The following MAP3K4 variants were observed in gnomAD, a reference collection of about 807,000 sequenced individuals.
MAP3K4 encodes the protein mitogen-activated protein kinase kinase kinase 4.
MAP3K4 carries 67 observed loss-of-function variants against 185.6 expected under a neutral mutation model. The observed-to-expected ratio is 0.36, with a 90% CI of 0.30 to 0.44. MAP3K4 has a LOEUF of 0.44. Ranked by LOEUF, MAP3K4 falls within the 20% of genes least tolerant of loss-of-function variation. MAP3K4 has a pLI of 1.00. For missense variants in MAP3K4, 1,551 were observed against 1,995.1 expected, an observed-to-expected ratio of 0.78 and a Z score of 4.24; for synonymous variants, 702 against 710.4, an observed-to-expected ratio of 0.99 and a Z score of 0.19.
chr6:161,049,383 T>C lies in MAP3K4; in HGVS notation c.1111T>C (p.Leu371=), dbSNP rs1583166254. ...GTACATAGAAGCACTTTATCCATCA[T>C]TGCAGGCTCTTCAGAAGGACTATGA... is the stretch of plus-strand genomic sequence containing the variant. ...LEYIEALYPS[L]QALQKDYEKY... The change falls in exon 3 of 27, where the codon TTG becomes CTG. Residue 371 remains leucine, a synonymous_variant. Coordinates refer to ENST00000392142, the MANE Select transcript of MAP3K4 (RefSeq NM_005922.4). The surrounding 1 kb of genome is among the most constrained non-coding windows in gnomAD (Gnocchi z 8.4). 1 of 1,614,178 alleles carries C rather than the reference T, an allele frequency of 6.2e-7. No homozygotes were observed. The highest frequency in any genetic ancestry group is 8.5e-7 in the Non-Finnish European group (1 of 1,180,032).
chr6:161,010,944 G>A (rs902063009), intron 1 of MAP3K4, among the ~76,000 whole-genome samples: 13 of 152,118 alleles, frequency 8.5e-5, no homozygotes, highest in African/African-American at 3.1e-4. Context: ...TTAGAGCACC[G>A]TAAGGCAGTC....
At position 161,098,491 on chromosome 6, in the gene MAP3K4, ATAGTGT is replaced by A; in HGVS notation, c.3674+68_3674+73del. On this transcript the variant is annotated intron_variant, in intron 17 of 26. Transcript: ENST00000392142. The surrounding 1 kb of genome is among the most constrained non-coding windows in gnomAD (Gnocchi z 4.4). ...CCTTACATGCGCTTACACAGCAACC[ATAGTGT>A]TAGGGTGTGTGCCGGCTGTGGTTGG... 1.3e-6 allele frequency: 2 copies of A among 1,548,178 alleles called. No homozygotes were observed. Among genetic ancestry groups the A allele is most frequent in the South Asian group, 2.4e-5 (2 of 82,976 alleles).
rs1423389080 is a variant in MAP3K4 at position 161,008,372 on chromosome 6, A to T, written c.152+16289A>T. On this transcript the variant is annotated intron_variant, in intron 1 of 26. Coordinates refer to ENST00000392142, the MANE Select transcript of MAP3K4 (RefSeq NM_005922.4). The surrounding 1 kb of genome is among the most constrained non-coding windows in gnomAD (Gnocchi z 4.1). ...TGTTTTATTAGAGTAAAATCCTGGA[A>T]ATATAATTACTATACCAAAGTGTGT... is the stretch of plus-strand genomic sequence containing the variant. 6.6e-6 allele frequency among the ~76,000 whole-genome samples: 1 copy of T among 152,170 alleles called. No individual in the cohort carries two copies. Among genetic ancestry groups the T allele is most frequent in the Non-Finnish European group, 1.5e-5 (1 of 68,018 alleles).
intron 1 of MAP3K4, among the ~76,000 whole-genome samples, chr6:160,997,085 TAACA>T (rs2115034919): frequency 6.6e-6 from 1 of 152,356 alleles, no homozygotes; most frequent in South Asian, 2.1e-4. Flanking sequence ...TCAGTCTTTA[TAACA>T]AACCTTGCTT....
rs889198975 is a variant in MAP3K4, at chr6:161,022,288, A to G, written c.153-11971A>G. 6.6e-6 allele frequency: 1 copy of G among 152,218 alleles called. No homozygotes were observed. Among genetic ancestry groups the G allele is most frequent in the African/African-American group, 2.4e-5 (1 of 41,460 alleles). 9.4% of individuals were successfully genotyped at this position (152,218 alleles called of 1,614,324 possible). On this transcript the variant is annotated intron_variant, in intron 1 of 26. Coordinates refer to ENST00000392142, the MANE Select transcript of MAP3K4 (RefSeq NM_005922.4). This position sits in a 1 kb window ranked among gnomAD's most constrained non-coding sequence, Gnocchi z 4.2. ...TTCAGTTAGACCTTTTATTTGACAT[A>G]TACAGATAAATAAACCAGGCAGAAT... is the stretch of plus-strand genomic sequence containing the variant.
intron 3 of MAP3K4, among the ~76,000 whole-genome samples, chr6:161,050,996 A>G (rs76841061): frequency 0.015 from 2,280 of 152,344 alleles, 17 homozygotes; most frequent in Middle Eastern, 0.031. Context: ...CATATAACCA[A>G]TGCACAACCT....
At chr6:161,102,064 G>T in intron 18 of MAP3K4, 72 bp downstream of exon 18, 1 of 1,203,768 alleles carries the variant, frequency 8.3e-7, no homozygotes, top group Non-Finnish European at 1.2e-6. Context: ...AGTTTCTGTT[G>T]TTAATGCCTT....
At chr6:161,018,362 A>G (rs942598037) in intron 1 of MAP3K4, among the ~76,000 whole-genome samples, 4 of 152,216 alleles carry the variant, frequency 2.6e-5, no homozygotes, top group African/African-American at 9.6e-5. Context: ...AAAAGTTTGC[A>G]GAGCCCACAC....
intron 1 of MAP3K4, among the ~76,000 whole-genome samples, chr6:161,025,358 A>C (rs1159638153): frequency 6.6e-6 from 1 of 152,192 alleles, no homozygotes; most frequent in Non-Finnish European, 1.5e-5. Flanking sequence ...CCGTCAAAGC[A>C]AAGGTGAGAG....
In MAP3K4 at chr6:161,112,309, G is replaced by A. The variant is rs1447810262; in HGVS notation, c.4519+351G>A. On this transcript the variant is annotated intron_variant, in intron 24 of 26. Coordinates refer to ENST00000392142, the MANE Select transcript of MAP3K4 (RefSeq NM_005922.4). This position sits in a 1 kb window ranked among gnomAD's most constrained non-coding sequence, Gnocchi z 5.1. ...CACTCAGCATACACCAGTCTCGTTG[G>A]CTGCCTGCCTGTCCACTACCTTGTC... Among the ~76,000 whole-genome samples, 2 of 152,108 alleles carry A rather than the reference G, an allele frequency of 1.3e-5. No individual in the cohort carries two copies. The highest frequency in any genetic ancestry group is 4.8e-5 in the African/African-American group (2 of 41,416).
Position 161,048,787 on chromosome 6 carries a change from G to T in MAP3K4, c.515G>T (p.Gly172Val). The T allele has an allele frequency of 6.2e-7, 1 of 1,614,042 alleles. No homozygotes were observed. The highest frequency in any genetic ancestry group is 1.1e-5 in the South Asian group (1 of 91,074). ...TCATTCATGTTAGACTCAGTGGGTG[G>T]ATCTTTGCCAAAAAAATCAATTCCA... ...QCSFMLDSVG[G>V]SLPKKSIPDV... The change falls in exon 3 of 27, where the codon GGA becomes GTA. Residue 172 changes from glycine to valine, a missense_variant. This residue lies in a region of MAP3K4 where 287 missense variants were observed against 268.8 expected (regional missense o/e 1.07). Coordinates refer to ENST00000392142, the MANE Select transcript of MAP3K4 (RefSeq NM_005922.4). The surrounding 1 kb of genome is among the most constrained non-coding windows in gnomAD (Gnocchi z 4.7).
intron 1 of MAP3K4, among the ~76,000 whole-genome samples, chr6:161,026,076 C>T (rs1315276216): frequency 6.6e-6 from 1 of 152,116 alleles, no homozygotes; most frequent in African/African-American, 2.4e-5. Flanking sequence ...GGGACATGCT[C>T]CCACCTGTGC....
rs562708842 is a variant in MAP3K4, at chr6:161,117,130, C to G, written c.*260C>G. The G allele has an allele frequency of 2.1e-6, 1 of 473,008 alleles. No individual in the cohort carries two copies. The highest frequency in any genetic ancestry group is 2.0e-5 in the African/African-American group (1 of 50,334). The allele number at this position is 473,008 out of a possible 1,614,324, so 29.3% of individuals were successfully genotyped here. A position where few individuals can be genotyped will look rare whatever the true frequency, so the allele number is the denominator to read the frequency against. On this transcript the variant is annotated 3_prime_UTR_variant, in exon 27 of 27. Transcript: ENST00000392142. ...TGTACACGGACCATCGCCTCTGTCTCCTCCGTGTCTCGCGCGACTGAGAAC... is the reference window on the plus strand; with the variant it reads ...TGTACACGGACCATCGCCTCTGTCTGCTCCGTGTCTCGCGCGACTGAGAAC...
At chr6:160,998,162 A>G (rs1781092516) in intron 1 of MAP3K4, among the ~76,000 whole-genome samples, 1 of 152,178 alleles carries the variant, frequency 6.6e-6, no homozygotes, top group Non-Finnish European at 1.5e-5. Context: ...GCGCACCACC[A>G]CACTGTCAGC....
chr6:161,106,761 T>A lies in MAP3K4; in HGVS notation c.4048+56T>A. On this transcript the variant is annotated intron_variant, in intron 20 of 26. Coordinates refer to ENST00000392142, the MANE Select transcript of MAP3K4 (RefSeq NM_005922.4). The surrounding 1 kb of genome is among the most constrained non-coding windows in gnomAD (Gnocchi z 4.9). ...TAGTCCCTGTTAGAAGTAGCAATAGTTATACTTCTTTAGGTTGAATCCTAT... is the reference window on the plus strand; with the variant it reads ...TAGTCCCTGTTAGAAGTAGCAATAGATATACTTCTTTAGGTTGAATCCTAT... 1 of 1,406,814 alleles carries A rather than the reference T, an allele frequency of 7.1e-7. No individual in the cohort carries two copies. The highest frequency in any genetic ancestry group is 9.8e-7 in the Non-Finnish European group (1 of 1,025,042). 87.1% of individuals were successfully genotyped at this position (1,406,814 alleles called of 1,614,324 possible). A position where few individuals can be genotyped will look rare whatever the true frequency, so the allele number is the denominator to read the frequency against.
At chr6:161,113,846 G>T (rs1374719333) in intron 25 of MAP3K4, among the ~76,000 whole-genome samples, 1 of 142,300 alleles carries the variant, frequency 7.0e-6, no homozygotes, top group East Asian at 2.0e-4. Flanking sequence ...CGCCAGGCAG[G>T]AGTGCAAGTG....
rs1214582441 is a variant in MAP3K4 at position 161,109,889 on chromosome 6, T to C, written c.4371T>C (p.His1457=). Residue 1457 remains histidine, a synonymous_variant, in exon 23 of 27, where the codon CAT becomes CAC. Coordinates refer to ENST00000392142, the MANE Select transcript of MAP3K4 (RefSeq NM_005922.4). The surrounding 1 kb of genome is among the most constrained non-coding windows in gnomAD (Gnocchi z 5.7). Reference sequence around the variant, plus strand: ...TTGCGATCAACGTCCTCCATGAGCATGGCATAGTCCACCGTGACATTAAAG... The same window carrying C: ...TTGCGATCAACGTCCTCCATGAGCACGGCATAGTCCACCGTGACATTAAAG... The part of the protein sequence containing the change: ...ITIAINVLHE[H]GIVHRDIKGA... The C allele has an allele frequency of 6.2e-7, 1 of 1,614,108 alleles. No individual in the cohort carries two copies. The highest frequency in any genetic ancestry group is 8.5e-7 in the Non-Finnish European group (1 of 1,180,022).
rs184699844 is a variant in MAP3K4, at chr6:161,063,242, T to C, written c.1708-7366T>C. ...TTCTAATTTTTGTCATTATTTTATA[T>C]TTTTTATGATTTTCTTAATTTCTTT... On this transcript the variant is annotated intron_variant, in intron 3 of 26. Transcript: ENST00000392142. This position sits in a 1 kb window ranked among gnomAD's most constrained non-coding sequence, Gnocchi z 5.4. Among the ~76,000 whole-genome samples, 42 of 152,212 alleles carry C rather than the reference T, an allele frequency of 2.8e-4. No individual in the cohort carries two copies. The highest frequency in any genetic ancestry group is 9.1e-4 in the African/African-American group (38 of 41,548).
intron 1 of MAP3K4, among the ~76,000 whole-genome samples, chr6:161,011,478 A>AT (rs1327730332): frequency 1.3e-5 from 2 of 152,104 alleles, no homozygotes; most frequent in Non-Finnish European, 2.9e-5. Context: ...CACACACTTA[A>AT]TTTTAGGTAT....
Sources: allele counts gnomAD v4.1 joint callset (sites outside exome capture counted in the v4.1 genomes callset), GRCh38; gene constraint gnomAD v4.1.1; regional missense constraint gnomAD v4.1.1; non-coding constraint Gnocchi (gnomAD v3.1); transcripts MANE v1.5; gene names NCBI Gene and HGNC (gene_info 2026-07-23, HGNC 2026-07-21).